Variants in HSPD1 observed in about 807,000 individuals in gnomAD.
The protein encoded by HSPD1 is 60 kDa heat shock protein, mitochondrial.
A neutral mutation model predicts 53.0 loss-of-function variants in HSPD1; 3 were observed. The ratio of observed to expected loss-of-function variants is 0.06; its 90% CI spans 0.03 to 0.15. The LOEUF (loss-of-function observed/expected upper bound fraction) is 0.15. HSPD1 is among the 10% of genes least tolerant of loss of function. The probability of loss-of-function intolerance (pLI) is 1.00; values close to 1 mark genes in which losing one functional copy is unlikely to be tolerated. For synonymous variants in HSPD1, 200 were observed against 228.0 expected, an observed-to-expected ratio of 0.88 and a Z score of 1.10; for missense variants, 431 against 694.1, an observed-to-expected ratio of 0.62 and a Z score of 4.26.
At chr2:197,497,595 G>A (rs1419797728) in intron 2 of HSPD1, 4 of 604,618 alleles carry the variant, frequency 6.6e-6, no homozygotes, top group African/African-American at 3.7e-5. Flanking sequence ...TCTCTGCCAA[G>A]AGCATAATTT....
chr2:197,496,708 T>G (rs1271653714), intron 3 of HSPD1, among the ~76,000 whole-genome samples: 1 of 152,182 alleles, frequency 6.6e-6, no homozygotes, highest in Admixed American at 6.5e-5. Context: ...AAAAATAAAC[T>G]GAGGAAAACA....
intron 6 of HSPD1, 81 bp downstream of exon 6, chr2:197,494,076 A>C: frequency 1.3e-6 from 1 of 743,000 alleles, no homozygotes. Flanking sequence ...ATGCCACTGC[A>C]CTCCAGCCGG....
At chr2:197,487,546 C>A (rs1249492507) in intron 11 of HSPD1, among the ~76,000 whole-genome samples, 1 of 152,180 alleles carries the variant, frequency 6.6e-6, no homozygotes, top group African/African-American at 2.4e-5. Context: ...CAAAACAAAA[C>A]CCTGTTCTGC....
chr2:197,494,559 T>C, intron 5 of HSPD1, 98 bp downstream of exon 5: 1 of 857,784 alleles, frequency 1.2e-6, no homozygotes, highest in Non-Finnish European at 2.0e-6. Context: ...TAAAACAGAA[T>C]TTTTCTGTTT....
rs771365783 is a variant in HSPD1 at position 197,497,315 on chromosome 2, A to G, written c.252T>C (p.Ile84=). The G allele has an allele frequency of 6.8e-6, 11 of 1,612,810 alleles. No homozygotes were observed. Among genetic ancestry groups the G allele is most frequent in the Non-Finnish European group, 9.3e-6 (11 of 1,178,890 alleles). ...TGTTTTTGTATTTATCTTTTAAGTC[A>G]ATTGACTTTGCAACAGTCACACCAT... The part of the protein sequence containing the change: ...TKDGVTVAKS[I]DLKDKYKNIG... The change falls in exon 3 of 12, where the codon ATT becomes ATC. Residue 84 remains isoleucine, a synonymous_variant. Transcript: ENST00000388968.
upstream of HSPD1, chr2:197,500,058 C>A (rs1028032399): frequency 4.0e-6 from 1 of 247,648 alleles, no homozygotes; most frequent in Admixed American, 5.0e-5. Flanking sequence ...AGTTCCCGGG[C>A]CTCGCTCGGT....
Position 197,494,485 on chromosome 2 carries a change from C to T in HSPD1, c.606+172G>A, listed in dbSNP as rs953841068. 7 of 634,752 alleles carry T rather than the reference C, an allele frequency of 1.1e-5. No homozygotes were observed. In the East Asian group the frequency reaches 1.6e-4, roughly 15 times the overall value. The allele number at this position is 634,752 out of a possible 1,614,324, so 39.3% of individuals were successfully genotyped here. A position where few individuals can be genotyped will look rare whatever the true frequency, so the allele number is the denominator to read the frequency against. ...AGCAAAGGCTAATTCACATAAAACA[C>T]AGTAAGTACTTTATTCTATACATGT... On this transcript the variant is annotated intron_variant, in intron 5 of 11. Coordinates refer to ENST00000388968, the MANE Select transcript of HSPD1 (RefSeq NM_002156.5).
intron 11 of HSPD1, 133 bp from the exon 12 acceptor site, chr2:197,487,331 G>C: frequency 2.6e-6 from 2 of 768,016 alleles, no homozygotes; most frequent in Non-Finnish European, 2.2e-6. Flanking sequence ...TAGATGACTT[G>C]AGGTTAGGAG....
chr2:197,487,437 C>A (rs2086039872), intron 11 of HSPD1, among the ~76,000 whole-genome samples: 1 of 152,156 alleles, frequency 6.6e-6, no homozygotes, highest in Admixed American at 6.5e-5. Context: ...ATCCCAGCTA[C>A]TCAGGAGCCT....
intron 7 of HSPD1, among the ~76,000 whole-genome samples, chr2:197,491,291 C>T (rs2106073552): frequency 6.6e-6 from 1 of 151,556 alleles, no homozygotes; most frequent in East Asian, 1.9e-4. Flanking sequence ...GGGTTTACGC[C>T]ATTCTCCTGC....
intron 7 of HSPD1, 77 bp downstream of exon 7, chr2:197,493,247 G>A: frequency 8.0e-7 from 1 of 1,257,168 alleles, no homozygotes; most frequent in South Asian, 1.2e-5. Context: ...TACACATGAT[G>A]GAAACTGCAA....
intron 7 of HSPD1, chr2:197,490,539 C>A: frequency 2.0e-6 from 1 of 488,796 alleles, no homozygotes; most frequent in South Asian, 2.1e-5. Flanking sequence ...TCTTAATAAA[C>A]TGTTGGCCTG....
rs1260450785 is a variant in HSPD1 at position 197,489,020 on chromosome 2, A to G, written c.1197T>C (p.Asp399=). Residue 399 remains aspartate (D), a synonymous_variant, in exon 9 of 12, where the codon GAT becomes GAC. Coordinates refer to ENST00000388968, the MANE Select transcript of HSPD1 (RefSeq NM_002156.5). The part of the protein sequence containing the change: ...KLNERLAKLS[D]GVAVLKVGGT... ...ATGTTACCTTCAGCACAGCCACTCC[A>G]TCTGAAAGTTTTGCAAGCCGTTCAT... is the stretch of plus-strand genomic sequence containing the variant. 2 of 1,613,978 alleles carry G rather than the reference A, an allele frequency of 1.2e-6. No individual in the cohort carries two copies. Among genetic ancestry groups the G allele is most frequent in the East Asian group, 4.5e-5 (2 of 44,882 alleles).
chr2:197,497,896 G>T (rs572312388), intron 2 of HSPD1, among the ~76,000 whole-genome samples: 1 of 152,286 alleles, frequency 6.6e-6, no homozygotes, highest in African/African-American at 2.4e-5. Flanking sequence ...TTCTATTTGT[G>T]AGGTGTGCAA....
chr2:197,488,997 G>C lies in HSPD1; in HGVS notation c.1215+5C>G. 6.2e-7 allele frequency: 1 copy of C among 1,613,902 alleles called. No individual in the cohort carries two copies. Among genetic ancestry groups the C allele is most frequent in the Non-Finnish European group, 8.5e-7 (1 of 1,179,820 alleles). The stretch of plus-strand genomic sequence containing the variant: ...AAGAAACTTATTCATAATAATGAAT[G>C]TTACCTTCAGCACAGCCACTCCATC... On this transcript the variant is annotated splice_donor_5th_base_variant and intron_variant, in intron 9 of 11. Coordinates refer to ENST00000388968, the MANE Select transcript of HSPD1 (RefSeq NM_002156.5).
Position 197,490,266 on chromosome 2 carries a change from G to T in HSPD1, c.900C>A (p.Val300=). 1 of 1,613,898 alleles carries T rather than the reference G, an allele frequency of 6.2e-7. No individual in the cohort carries two copies. The highest frequency in any genetic ancestry group is 8.5e-7 in the Non-Finnish European group (1 of 1,179,892). Residue 300 remains valine, a synonymous_variant, in exon 8 of 12, where the codon GTC becomes GTA. Coordinates refer to ENST00000388968, the MANE Select transcript of HSPD1 (RefSeq NM_002156.5). Reference sequence around the variant, plus strand: ...TATTGTCACCAAACCCTGGAGCCTTGACTGCCACAACCTGAAGACCAACCT... The same window carrying T: ...TATTGTCACCAAACCCTGGAGCCTTTACTGCCACAACCTGAAGACCAACCT... ...RLKVGLQVVA[V]KAPGFGDNRK...
At chr2:197,493,085 G>A (rs1014981623) in intron 7 of HSPD1, among the ~76,000 whole-genome samples, 3 of 151,774 alleles carry the variant, frequency 2.0e-5, no homozygotes, top group Non-Finnish European at 2.9e-5. Flanking sequence ...AGGTACCCAT[G>A]TGCTAAATTA....
chr2:197,489,472 G>C (rs1017835908), intron 8 of HSPD1, among the ~76,000 whole-genome samples: 2 of 152,014 alleles, frequency 1.3e-5, no homozygotes, highest in African/African-American at 4.8e-5. Context: ...AGCCTTACTT[G>C]AGAAAAAAAC....
chr2:197,489,285 C>T (rs1338952755), intron 8 of HSPD1, 38 bp from the exon 9 acceptor site: 2 of 1,610,320 alleles, frequency 1.2e-6, no homozygotes, highest in Non-Finnish European at 1.7e-6. Flanking sequence ...TTGTAGGTTA[C>T]AGTTTCTGCC....
Sources: allele counts gnomAD v4.1 joint callset (sites outside exome capture counted in the v4.1 genomes callset), GRCh38; gene constraint gnomAD v4.1.1; transcripts MANE v1.5; gene names NCBI Gene and HGNC (gene_info 2026-07-23, HGNC 2026-07-21).